Variants in LIMK1 observed in about 807,000 individuals in gnomAD.
The protein encoded by LIMK1 is LIM domain kinase 1, also known as LIM motif-containing protein kinase.
LIMK1 carries 21 observed loss-of-function variants against 77.6 expected under a neutral mutation model. The ratio of observed to expected loss-of-function variants is 0.27; its 90% CI spans 0.19 to 0.39. The LOEUF is 0.39. Among genes scored for constraint, LIMK1 ranks in the 10% least tolerant of loss-of-function variants. LIMK1 has a pLI of 1.00. For missense variants in LIMK1, 696 were observed against 901.6 expected (o/e 0.77, Z 2.92); for synonymous variants, 358 against 370.0 (o/e 0.97, Z 0.37).
chr7:74,106,972 G>C (rs534441682), intron 7 of LIMK1, 38 bp from the exon 8 acceptor site: 2 of 1,515,508 alleles, frequency 1.3e-6, no homozygotes, highest in South Asian at 1.3e-5. Flanking sequence ...GGTGCTACCT[G>C]TCCCCCGGTG....
intron 10 of LIMK1, chr7:74,109,342 A>G: frequency 2.8e-6 from 1 of 363,174 alleles, no homozygotes; most frequent in Non-Finnish European, 5.3e-6. Context: ...CCTGGACCAC[A>G]CAGCAAGACC....
At chr7:74,084,927 C>A (rs1225541860) in intron 1 of LIMK1, among the ~76,000 whole-genome samples, 48 of 152,216 alleles carry the variant, frequency 3.2e-4, no homozygotes, top group African/African-American at 1.2e-3. Flanking sequence ...AGGGGCCCAC[C>A]TTCCTGTAGC....
chr7:74,114,534 G>A (rs1296151198), intron 12 of LIMK1, among the ~76,000 whole-genome samples: 6 of 150,016 alleles, frequency 4.0e-5, no homozygotes, highest in Non-Finnish European at 4.4e-5. Context: ...CTGGGCCACG[G>A]GAGGGAGACT....
At chr7:74,085,225 G>C (rs988225029) in intron 1 of LIMK1, among the ~76,000 whole-genome samples, 2 of 152,222 alleles carry the variant, frequency 1.3e-5, no homozygotes, top group Admixed American at 6.5e-5. Flanking sequence ...TGCCAAGCCA[G>C]GGCATTCATT....
intron 2 of LIMK1, chr7:74,093,253 C>A (rs1799273480): frequency 1.8e-5 from 27 of 1,535,890 alleles, no homozygotes; most frequent in Non-Finnish European, 2.2e-5. Context: ...ACAGAGGATG[C>A]TGTTGGCTTC....
intron 9 of LIMK1, among the ~76,000 whole-genome samples, chr7:74,108,209 G>A (rs1227884745): frequency 1.3e-5 from 2 of 151,922 alleles, no homozygotes; most frequent in African/African-American, 4.8e-5. Flanking sequence ...TTGGCAATGT[G>A]CACCTGTCAT....
At chr7:74,109,250 T>C (rs1584124847) in intron 10 of LIMK1, 1 of 508,752 alleles carries the variant, frequency 2.0e-6, no homozygotes, top group East Asian at 3.8e-5. Flanking sequence ...ATTCTGGCAC[T>C]TTGGGAGCCC....
intron 12 of LIMK1, chr7:74,115,571 T>G: frequency 2.0e-6 from 1 of 503,942 alleles, no homozygotes; most frequent in Non-Finnish European, 3.6e-6. Flanking sequence ...GGGTGCAGCG[T>G]GTGGTGGGAG....
chr7:74,115,502 G>T, intron 12 of LIMK1: 1 of 354,088 alleles, frequency 2.8e-6, no homozygotes, highest in East Asian at 4.8e-5. Flanking sequence ...GGGAGCGCTT[G>T]CAGGAGGGAG....
At chr7:74,092,841 G>A (rs1425088961) in intron 2 of LIMK1, among the ~76,000 whole-genome samples, 4 of 152,162 alleles carry the variant, frequency 2.6e-5, no homozygotes, top group African/African-American at 4.8e-5. Flanking sequence ...TTCCCTTGGG[G>A]GCAGCAGTGG....
intron 1 of LIMK1, among the ~76,000 whole-genome samples, chr7:74,084,926 C>T (rs1269968016): frequency 6.6e-6 from 1 of 152,190 alleles, no homozygotes; most frequent in Non-Finnish European, 1.5e-5. Context: ...TAGGGGCCCA[C>T]CTTCCTGTAG....
At chr7:74,111,745 C>T (rs1554698676) in intron 11 of LIMK1, 38 bp downstream of exon 11, 2 of 1,595,634 alleles carry the variant, frequency 1.3e-6, no homozygotes, top group Non-Finnish European at 1.7e-6. Context: ...TTCATAATCC[C>T]ACCAGGAATT....
At chr7:74,119,069 G>T (rs2356529) in intron 13 of LIMK1, among the ~76,000 whole-genome samples, 18,361 of 148,716 alleles carry the variant, frequency 0.12, 1,160 homozygotes, top group South Asian at 0.24. Flanking sequence ...CTAATTTTTT[G>T]TATTTTTAGT....
At position 74,115,838 on chromosome 7, in the gene LIMK1, C is replaced by T. The variant is rs1224153517; in HGVS notation, c.1447C>T (p.Arg483Cys). 6.8e-6 allele frequency: 11 copies of T among 1,613,986 alleles called. No individual in the cohort carries two copies. Among genetic ancestry groups the T allele is most frequent in the South Asian group, 1.1e-5 (1 of 91,086 alleles). Residue 483 changes from arginine to cysteine, a missense_variant, in exon 13 of 16, where the codon CGT (arginine) becomes TGT (cysteine). Physicochemically the swap from Arg to Cys is radical, Grantham distance 180. This residue lies in a region of LIMK1 where 438 missense variants were observed against 602.3 expected (regional missense o/e 0.73). Transcript: ENST00000336180. ...GGTGGTGGCTGACTTCGGGCTGGCG[C>T]GTCTCATGGTGGACGAGAAGACTCA... ...NVVVADFGLA[R>C]LMVDEKTQPE... is the part of the protein sequence containing the mutation.
chr7:74,100,959 G>C (rs1053023962), intron 5 of LIMK1, among the ~76,000 whole-genome samples: 1 of 148,808 alleles, frequency 6.7e-6, no homozygotes, highest in African/African-American at 2.5e-5. Flanking sequence ...GGATGGTCTC[G>C]ATCTCCTGAC....
intron 1 of LIMK1, among the ~76,000 whole-genome samples, chr7:74,085,354 A>C (rs1205602146): frequency 6.6e-6 from 1 of 152,222 alleles, no homozygotes; most frequent in African/African-American, 2.4e-5. Context: ...GGGCCCTCTT[A>C]GTACTTCTTC....
chr7:74,101,110 G>T (rs1219839203), intron 5 of LIMK1, among the ~76,000 whole-genome samples: 1 of 152,206 alleles, frequency 6.6e-6, no homozygotes, highest in Non-Finnish European at 1.5e-5. Context: ...CACTGCATAG[G>T]CACTGTTGAG....
chr7:74,114,426 C>G (rs538289717), intron 12 of LIMK1, among the ~76,000 whole-genome samples: 1 of 151,682 alleles, frequency 6.6e-6, no homozygotes, highest in South Asian at 2.1e-4. Flanking sequence ...TGGTGAGTAT[C>G]TATAGTACCA....
chr7:74,097,884 G>C (rs2115665473), intron 4 of LIMK1, among the ~76,000 whole-genome samples: 1 of 152,300 alleles, frequency 6.6e-6, no homozygotes, highest in South Asian at 2.1e-4. Flanking sequence ...GGACTCCCAA[G>C]ACCCTGCCAA....
Sources: allele counts gnomAD v4.1 joint callset (sites outside exome capture counted in the v4.1 genomes callset), GRCh38; gene constraint gnomAD v4.1.1; regional missense constraint gnomAD v4.1.1; transcripts MANE v1.5; gene names NCBI Gene and HGNC (gene_info 2026-07-23, HGNC 2026-07-21).